The following IQCH variants were observed in gnomAD, a reference collection of about 807,000 sequenced individuals.
IQCH encodes the protein IQ motif containing H.
In IQCH, 98 loss-of-function variants were observed where a neutral mutation model predicts 117.0. The observed-to-expected ratio is 0.84, with a 90% CI of 0.71 to 0.99. The LOEUF is 0.99. Among genes scored for constraint, IQCH ranks in the 50% least tolerant of loss-of-function variants. IQCH has a pLI of 0.00. For synonymous variants in IQCH, 412 were observed against 448.2 expected (o/e 0.92, Z 1.02); for missense variants, 1,102 against 1,243.8 (o/e 0.89, Z 1.72).
chr15:67,500,486 G>A lies in IQCH; in HGVS notation c.2971-147G>A, dbSNP rs551560994. ...TTACTCATTTCAGCAAGACTGGTAA[G>A]CCATAATCTGTAGACAAATGCCAGT... On this transcript the variant is annotated intron_variant, in intron 20 of 20. Coordinates refer to ENST00000335894, the MANE Select transcript of IQCH (RefSeq NM_001031715.3). The surrounding 1 kb of genome is among the most constrained non-coding windows in gnomAD (Gnocchi z 4.4). 1 of 416,948 alleles carries A rather than the reference G, an allele frequency of 2.4e-6. No homozygotes were observed. Among genetic ancestry groups the A allele is most frequent in the African/African-American group, 2.0e-5 (1 of 48,810 alleles). 25.8% of individuals were successfully genotyped at this position (416,948 alleles called of 1,614,324 possible).
At chr15:67,418,780 G>C (rs946118989) in intron 15 of IQCH, among the ~76,000 whole-genome samples, 5 of 151,794 alleles carry the variant, frequency 3.3e-5, no homozygotes, top group African/African-American at 1.2e-4. Context: ...GTTTCACCAT[G>C]TTGGCCAGGC....
intron 10 of IQCH, among the ~76,000 whole-genome samples, chr15:67,379,611 C>T (rs778164014): frequency 4.6e-5 from 7 of 152,106 alleles, no homozygotes; most frequent in Admixed American, 6.5e-5. Context: ...TGGTGGGAGA[C>T]GATTGGATTA....
chr15:67,289,474 G>A (rs1379185336), intron 4 of IQCH, among the ~76,000 whole-genome samples: 1 of 152,068 alleles, frequency 6.6e-6, no homozygotes, highest in Admixed American at 6.6e-5. Flanking sequence ...GAGAGTAAGT[G>A]ATAACCCACA....
intron 15 of IQCH, among the ~76,000 whole-genome samples, chr15:67,420,719 C>T (rs185111323): frequency 1.1e-4 from 16 of 152,292 alleles, no homozygotes; most frequent in African/African-American, 3.6e-4. Context: ...GCAGAGAGAG[C>T]ATATGTGTTC....
chr15:67,323,324 G>A (rs940624130), intron 4 of IQCH, among the ~76,000 whole-genome samples: 5 of 141,206 alleles, frequency 3.5e-5, no homozygotes, highest in African/African-American at 1.3e-4. Flanking sequence ...CTCACTGCAA[G>A]CTCTGCCTCC....
intron 3 of IQCH, among the ~76,000 whole-genome samples, chr15:67,273,508 C>G (rs915378327): frequency 6.6e-6 from 1 of 152,100 alleles, no homozygotes; most frequent in Non-Finnish European, 1.5e-5. Context: ...TATCTTAGAT[C>G]ACTAAAAAAT....
At chr15:67,329,841 C>CACACATAT (rs2084008392) in intron 4 of IQCH, among the ~76,000 whole-genome samples, 1 of 151,324 alleles carries the variant, frequency 6.6e-6, no homozygotes, top group Admixed American at 6.6e-5. Context: ...CACACACACA[C>CACACATAT]ACACATATAC....
chr15:67,254,900 G>A lies in IQCH; in HGVS notation c.4G>A (p.Ala2Thr), dbSNP rs559840295. 3 of 1,613,732 alleles carry A rather than the reference G, an allele frequency of 1.9e-6. No homozygotes were observed. The highest frequency in any genetic ancestry group is 2.2e-5 in the South Asian group (2 of 91,032). M[A>T]QNTENHDPVG... ...GTAGCCGTTCCCTGACCTAGCCATGGCACAGAACACTGAAAACCACGACCC... is the reference window on the plus strand; with the variant it reads ...GTAGCCGTTCCCTGACCTAGCCATGACACAGAACACTGAAAACCACGACCC... Residue 2 changes from alanine to threonine, a missense_variant, in exon 1 of 21, where the codon GCA becomes ACA. This residue lies in a region of IQCH where 452 missense variants were observed against 449.6 expected (regional missense o/e 1.01). Transcript: ENST00000335894.
chr15:67,421,036 A>G (rs529023497), intron 15 of IQCH, among the ~76,000 whole-genome samples: 13 of 152,376 alleles, frequency 8.5e-5, no homozygotes, highest in African/African-American at 3.1e-4. Context: ...AATCAGAATC[A>G]AAATTACCAT....
chr15:67,455,114 C>T lies in IQCH; in HGVS notation c.2506-10013C>T, dbSNP rs536895058. Among the ~76,000 whole-genome samples, 75 of 152,234 alleles carry T rather than the reference C, an allele frequency of 4.9e-4. No homozygotes were observed. The Middle Eastern group carries it at 0.017, about 35-fold the overall frequency. On this transcript the variant is annotated intron_variant, in intron 16 of 20. Coordinates refer to ENST00000335894, the MANE Select transcript of IQCH (RefSeq NM_001031715.3). ...CATCCTTGTGGGTGTGAAGGAGCATCTCTTATCTGTGTTTTCAAGGAAGAT... is the reference window on the plus strand; with the variant it reads ...CATCCTTGTGGGTGTGAAGGAGCATTTCTTATCTGTGTTTTCAAGGAAGAT...
chr15:67,302,891 C>T (rs1679045801), intron 4 of IQCH, among the ~76,000 whole-genome samples: 1 of 152,046 alleles, frequency 6.6e-6, no homozygotes, highest in Non-Finnish European at 1.5e-5. Flanking sequence ...AAAAACCATG[C>T]TATTAAAAAG....
chr15:67,431,035 G>A lies in IQCH; in HGVS notation c.2505+9458G>A, dbSNP rs953474061. On this transcript the variant is annotated intron_variant, in intron 16 of 20. Coordinates refer to ENST00000335894, the MANE Select transcript of IQCH (RefSeq NM_001031715.3). This position sits in a 1 kb window ranked among gnomAD's most constrained non-coding sequence, Gnocchi z 4.8. ...TTGCAGAGAAGGTGGGATTTGAGCC[G>A]AAAGAAAATTAGGATATGAGGAGGG... Among the ~76,000 whole-genome samples the A allele has an allele frequency of 7.9e-5, 12 of 152,234 alleles. No homozygotes were observed. In the East Asian group the frequency reaches 1.9e-3, roughly 24 times the overall value.
chr15:67,319,128 G>T (rs1163521244), intron 4 of IQCH, among the ~76,000 whole-genome samples: 1 of 152,178 alleles, frequency 6.6e-6, no homozygotes, highest in Non-Finnish European at 1.5e-5. Flanking sequence ...TAGGGAGGCT[G>T]AGGCAGGAGA....
intron 4 of IQCH, among the ~76,000 whole-genome samples, chr15:67,302,788 C>T (rs988466968): frequency 2.6e-5 from 4 of 152,032 alleles, no homozygotes; most frequent in African/African-American, 4.8e-5. Context: ...ACCTGGGAGG[C>T]GGAGGTTTCA....
In IQCH at chr15:67,359,028, G is replaced by A. The variant is rs148109871; in HGVS notation, c.715-819G>A. 6.6e-5 allele frequency among the ~76,000 whole-genome samples: 10 copies of A among 152,324 alleles called. No homozygotes were observed. In the South Asian group the frequency reaches 1.0e-3, roughly 16 times the overall value. On this transcript the variant is annotated intron_variant, in intron 7 of 20. Coordinates refer to ENST00000335894, the MANE Select transcript of IQCH (RefSeq NM_001031715.3). This position sits in a 1 kb window ranked among gnomAD's most constrained non-coding sequence, Gnocchi z 4.5. Reference sequence around the variant, plus strand: ...TCCCAAGACAGACAGGCCTTCAGGCGAGTGTTTGGCCTGCACCATTATTGT... The same window carrying A: ...TCCCAAGACAGACAGGCCTTCAGGCAAGTGTTTGGCCTGCACCATTATTGT...
intron 18 of IQCH, among the ~76,000 whole-genome samples, chr15:67,484,539 G>A (rs889393873): frequency 2.7e-5 from 4 of 148,848 alleles, no homozygotes; most frequent in African/African-American, 5.0e-5. Flanking sequence ...GACCAGCCTG[G>A]TTAGCATGGT....
In IQCH at chr15:67,279,405, A is replaced by C. The variant is rs776990272; in HGVS notation, c.280A>C (p.Thr94Pro). ...TTTCTTCTTACTTAGGTTACTTCCAACTGTAATTGATCAGAAATCATTTAT... is the reference window on the plus strand; with the variant it reads ...TTTCTTCTTACTTAGGTTACTTCCACCTGTAATTGATCAGAAATCATTTAT... ...TPQASKWLLP[T>P]VIDQKSFIFP... The change falls in exon 4 of 21, where the codon ACT becomes CCT. Residue 94 changes from threonine to proline, a missense_variant. Around this residue, in one of 2 missense-constraint regions of IQCH, gnomAD observed 452 missense variants for 449.6 expected, o/e 1.01. Coordinates refer to ENST00000335894, the MANE Select transcript of IQCH (RefSeq NM_001031715.3). The C allele has an allele frequency of 2.5e-6, 4 of 1,583,250 alleles. No individual in the cohort carries two copies. In the South Asian group the frequency reaches 4.5e-5, roughly 18 times the overall value.
chr15:67,282,551 A>G (rs999988944), intron 4 of IQCH, among the ~76,000 whole-genome samples: 1 of 152,164 alleles, frequency 6.6e-6, no homozygotes, highest in Non-Finnish European at 1.5e-5. Context: ...TATATCTAAT[A>G]TGTGTGACGT....
chr15:67,268,096 A>G (rs1435255125), intron 3 of IQCH, among the ~76,000 whole-genome samples: 1 of 152,202 alleles, frequency 6.6e-6, no homozygotes. Context: ...TCAGATATCT[A>G]CAACCTAGCA....
Sources: allele counts gnomAD v4.1 joint callset (sites outside exome capture counted in the v4.1 genomes callset), GRCh38; gene constraint gnomAD v4.1.1; regional missense constraint gnomAD v4.1.1; non-coding constraint Gnocchi (gnomAD v3.1); transcripts MANE v1.5; gene names NCBI Gene and HGNC (gene_info 2026-07-23, HGNC 2026-07-21).